The following WFDC3 variants were observed in gnomAD, a reference collection of about 807,000 sequenced individuals.
WFDC3 encodes the protein WAP four-disulfide core domain 3.
A neutral mutation model predicts 25.8 loss-of-function variants in WFDC3; 15 were observed. The ratio of observed to expected loss-of-function variants is 0.58; its 90% CI spans 0.39 to 0.89. WFDC3 has a LOEUF of 0.89. WFDC3 is among the 40% of genes least tolerant of loss of function. The pLI is 0.00. For synonymous variants in WFDC3, 103 were observed against 107.1 expected, an observed-to-expected ratio of 0.96 and a Z score of 0.24; for missense variants, 264 against 289.8, an observed-to-expected ratio of 0.91 and a Z score of 0.65.
chr20:45,787,512 C>T (rs536110427), intron 4 of WFDC3, among the ~76,000 whole-genome samples: 288 of 151,910 alleles, frequency 1.9e-3, no homozygotes, highest in African/African-American at 6.7e-3. Context: ...AGGATGGTCT[C>T]GATCTCCTGA....
At chr20:45,785,676 G>A (rs1039748245) in intron 4 of WFDC3, among the ~76,000 whole-genome samples, 1 of 152,018 alleles carries the variant, frequency 6.6e-6, no homozygotes, top group African/African-American at 2.4e-5. Flanking sequence ...AGCAAAAGTA[G>A]CCATGAAAAT....
At chr20:45,775,742 C>T in intron 5 of WFDC3, 140 bp from the exon 6 acceptor site, 9 of 1,091,772 alleles carry the variant, frequency 8.2e-6, no homozygotes, top group Non-Finnish European at 1.2e-5. Flanking sequence ...GGCTGGGAAA[C>T]CATGGCGCTG....
chr20:45,775,030 T>G (rs1351722639), intron 6 of WFDC3, among the ~76,000 whole-genome samples: 1 of 151,540 alleles, frequency 6.6e-6, no homozygotes, highest in Admixed American at 6.6e-5. Flanking sequence ...TCCCACACAT[T>G]CCCACCCTGT....
intron 6 of WFDC3, 91 bp downstream of exon 6, chr20:45,775,326 T>A (rs1191269600): frequency 1.3e-6 from 2 of 1,515,176 alleles, no homozygotes; most frequent in African/African-American, 1.4e-5. Flanking sequence ...AGACTTTTCC[T>A]GACCTTCTGA....
At chr20:45,789,518 A>AAC (rs1410204256) in intron 2 of WFDC3, among the ~76,000 whole-genome samples, 1 of 151,574 alleles carries the variant, frequency 6.6e-6, no homozygotes, top group East Asian at 1.9e-4. Flanking sequence ...AAAAAAAAAA[A>AAC]AAATTCTGCA....
intron 4 of WFDC3, among the ~76,000 whole-genome samples, chr20:45,782,399 T>C (rs1980486493): frequency 6.6e-6 from 1 of 151,806 alleles, no homozygotes; most frequent in Non-Finnish European, 1.5e-5. Context: ...TTTTTTGAGA[T>C]GGAGTTTCGC....
At chr20:45,789,825 G>A (rs1980864978) in intron 2 of WFDC3, 69 bp downstream of exon 2, 1 of 1,400,716 alleles carries the variant, frequency 7.1e-7, no homozygotes, top group East Asian at 2.3e-5. Context: ...GAGAAGGCAG[G>A]GGATGAGTTC....
At chr20:45,790,086 C>T (rs1980885073) in intron 1 of WFDC3, 104 bp from the exon 2 acceptor site, 1 of 742,998 alleles carries the variant, frequency 1.3e-6, no homozygotes, top group African/African-American at 1.8e-5. Context: ...AACCCAGTCC[C>T]AAAACCTTCC....
At position 45,774,427 on chromosome 20, in the gene WFDC3, G is replaced by A; in HGVS notation, c.*1C>T. ...AAGAAGCTCCAGACAAATCAGCACA[G>A]CTAGGGCACCGGGATCTCTGCAAGT... is the stretch of plus-strand genomic sequence containing the variant. On this transcript the variant is annotated 3_prime_UTR_variant, in exon 7 of 7. Transcript: ENST00000243938. 1 of 1,614,102 alleles carries A rather than the reference G, an allele frequency of 6.2e-7. No homozygotes were observed. The highest frequency in any genetic ancestry group is 8.5e-7 in the Non-Finnish European group (1 of 1,180,002).
At chr20:45,784,113 C>T (rs1286453911) in intron 4 of WFDC3, among the ~76,000 whole-genome samples, 3 of 152,212 alleles carry the variant, frequency 2.0e-5, no homozygotes, top group Non-Finnish European at 4.4e-5. Context: ...TACAATTCAG[C>T]CCTCAGCTTC....
At chr20:45,775,025 C>G (rs557825416) in intron 6 of WFDC3, among the ~76,000 whole-genome samples, 9 of 151,976 alleles carry the variant, frequency 5.9e-5, no homozygotes, top group Non-Finnish European at 1.3e-4. Context: ...ACATATCCCA[C>G]ACATTCCCAC....
chr20:45,787,282 C>CTTTTTTTTTTTT (rs1158318114), intron 4 of WFDC3, among the ~76,000 whole-genome samples: 3 of 73,686 alleles, frequency 4.1e-5, no homozygotes, highest in Admixed American at 2.8e-4. Flanking sequence ...TTTCTTTTTT[C>CTTTTTTTTTTTT]TTTTTTTTTT....
intron 4 of WFDC3, among the ~76,000 whole-genome samples, chr20:45,778,999 A>AAC (rs1980319921): frequency 1.3e-5 from 2 of 152,216 alleles, no homozygotes; most frequent in African/African-American, 4.8e-5. Context: ...TGTGCAGCCA[A>AAC]ACACATTTCC....
Position 45,777,117 on chromosome 20 carries a change from T to C in WFDC3, c.451A>G (p.Ser151Gly), listed in dbSNP as rs1399419493. 6.2e-7 allele frequency: 1 copy of C among 1,612,446 alleles called. No individual in the cohort carries two copies. Among genetic ancestry groups the C allele is most frequent in the Admixed American group, 1.7e-5 (1 of 59,870 alleles). Reference protein sequence around the residue: ...ASCPQGHKCCSTGCGRTCLGD... With the variant: ...ASCPQGHKCCGTGCGRTCLGD... ...AGGCAGGTGCGGCCACAGCCGGTGC[T>C]GCAGCATTTATGCCCCTGGGGACAG... Residue 151 changes from serine to glycine, a missense_variant, in exon 5 of 7, where the codon AGC becomes GGC. Physicochemically the swap from Ser to Gly is moderately conservative, Grantham distance 56. Coordinates refer to ENST00000243938, the MANE Select transcript of WFDC3 (RefSeq NM_080614.2).
intron 6 of WFDC3, among the ~76,000 whole-genome samples, chr20:45,774,690 C>G (rs1980052060): frequency 6.6e-6 from 1 of 152,106 alleles, no homozygotes; most frequent in African/African-American, 2.4e-5. Flanking sequence ...GCCTGTAATC[C>G]CAGCACTTTG....
chr20:45,782,645 G>A (rs146883413), intron 4 of WFDC3, among the ~76,000 whole-genome samples: 2,318 of 152,078 alleles, frequency 0.015, 62 homozygotes, highest in African/African-American at 0.053. Context: ...CAAAGTGCTG[G>A]GATTACAGGC....
Position 45,788,660 on chromosome 20 carries a change from T to C in WFDC3, c.211+271A>G, listed in dbSNP as rs956703206. ...AATCATTATCTTACACAGCCTTCCC[T>C]TTACAACTCTTCCCTCCAGCCTTCA... On this transcript the variant is annotated intron_variant, in intron 3 of 6. Coordinates refer to ENST00000243938, the MANE Select transcript of WFDC3 (RefSeq NM_080614.2). 6 of 343,598 alleles carry C rather than the reference T, an allele frequency of 1.7e-5. No homozygotes were observed. In the East Asian group the frequency reaches 2.4e-4, roughly 14 times the overall value. 21.3% of individuals were successfully genotyped at this position (343,598 alleles called of 1,614,324 possible). A position where few individuals can be genotyped will look rare whatever the true frequency, so the allele number is the denominator to read the frequency against.
intron 4 of WFDC3, among the ~76,000 whole-genome samples, chr20:45,781,265 A>G (rs1411387916): frequency 1.3e-5 from 2 of 150,388 alleles, no homozygotes; most frequent in East Asian, 3.9e-4. Flanking sequence ...ACACATAGAC[A>G]CACACACACA....
At chr20:45,782,496 G>T (rs1345255468) in intron 4 of WFDC3, among the ~76,000 whole-genome samples, 1 of 151,866 alleles carries the variant, frequency 6.6e-6, no homozygotes, top group East Asian at 1.9e-4. Context: ...TCCTGCCTCA[G>T]CCTCCCGAGT....
Sources: gnomAD v4.1 joint callset for allele counts (sites outside exome capture counted in the v4.1 genomes callset) on GRCh38, gnomAD v4.1.1 for gene constraint, MANE v1.5 for transcripts, NCBI Gene and HGNC (gene_info 2026-07-23, HGNC 2026-07-21) for gene names.